The following CEACAM5 variants were observed in gnomAD, a reference collection of about 807,000 sequenced individuals.
The protein encoded by CEACAM5 is cell adhesion molecule CEACAM5.
Under a neutral mutation model 63.0 loss-of-function variants are expected in CEACAM5, and 52 were observed. The ratio of observed to expected loss-of-function variants is 0.83; its 90% CI spans 0.66 to 1.04. CEACAM5 has a LOEUF of 1.04. CEACAM5 is among the 50% of genes least tolerant of loss of function. The probability of loss-of-function intolerance (pLI) is 0.00; values close to 1 mark genes in which losing one functional copy is unlikely to be tolerated. For missense variants in CEACAM5, 790 were observed against 864.8 expected, an observed-to-expected ratio of 0.91 and a Z score of 1.08; for synonymous variants, 357 against 351.3, an observed-to-expected ratio of 1.02 and a Z score of -0.18.
intron 1 of CEACAM5, 86 bp from the exon 2 acceptor site, chr19:41,709,594 A>C: frequency 1.3e-6 from 2 of 1,535,466 alleles, no homozygotes; most frequent in Non-Finnish European, 1.7e-6. Context: ...TGGGGGATGA[A>C]GAGACCTGCT....
At position 41,719,806 on chromosome 19, in the gene CEACAM5, C is replaced by A. The variant is rs1157813950; in HGVS notation, c.1493-124C>A. ...GTACATCTGTCTTGTGATACACACA[C>A]CTGCCATGGGCTTTTAAGGACTCGG... On this transcript the variant is annotated intron_variant, in intron 6 of 9. Transcript: ENST00000221992. 7 of 1,525,386 alleles carry A rather than the reference C, an allele frequency of 4.6e-6. No homozygotes were observed. The African/African-American group carries it at 6.9e-5, about 15-fold the overall frequency. The allele number at this position is 1,525,386 out of a possible 1,614,324, so 94.5% of individuals were successfully genotyped here.
chr19:41,718,705 A>G (rs1264893473), intron 6 of CEACAM5, among the ~76,000 whole-genome samples: 1 of 152,198 alleles, frequency 6.6e-6, no homozygotes, highest in Non-Finnish European at 1.5e-5. Flanking sequence ...TCTGTCACCA[A>G]TATGTCCCTT....
At chr19:41,720,359 TG>T in intron 7 of CEACAM5, 151 bp downstream of exon 7, 1 of 1,039,456 alleles carries the variant, frequency 9.6e-7, no homozygotes, top group Non-Finnish European at 1.4e-6. Flanking sequence ...CAGGAAAATT[TG>T]GGCAACCTCA....
intron 4 of CEACAM5, 21 bp downstream of exon 4, chr19:41,715,925 C>T: frequency 1.2e-6 from 2 of 1,607,888 alleles, no homozygotes; most frequent in Non-Finnish European, 1.7e-6. Context: ...CCACGAAGCA[C>T]TGACATCATG....
chr19:41,710,088 C>T (rs781978461), intron 2 of CEACAM5, 49 bp downstream of exon 2: 6 of 1,574,284 alleles, frequency 3.8e-6, no homozygotes, highest in South Asian at 1.2e-5. Context: ...AGTTCTACTT[C>T]CCACACACAG....
intron 8 of CEACAM5, among the ~76,000 whole-genome samples, chr19:41,721,712 G>A (rs2072625074): frequency 6.6e-6 from 1 of 152,258 alleles, no homozygotes; most frequent in Admixed American, 6.5e-5. Context: ...GGTGGGACCG[G>A]GGCATGTGGA....
chr19:41,715,870 C>T lies in CEACAM5; in HGVS notation c.924C>T (p.Leu308=). 1 of 1,614,186 alleles carries T rather than the reference C, an allele frequency of 6.2e-7. No homozygotes were observed. The highest frequency in any genetic ancestry group is 1.1e-5 in the South Asian group (1 of 91,080). ...AAGCCCATAACTCAGACACTGGCCTCAATAGGACCACAGTCACGACGATCA... is the reference window on the plus strand; with the variant it reads ...AAGCCCATAACTCAGACACTGGCCTTAATAGGACCACAGTCACGACGATCA... The part of the protein sequence containing the change: ...TCQAHNSDTG[L]NRTTVTTITV... The change falls in exon 4 of 10, where the codon CTC becomes CTT. Residue 308 remains leucine, a synonymous_variant. Transcript: ENST00000221992.
rs938716278 is a variant in CEACAM5 at position 41,716,171 on chromosome 19, C to G, written c.958+267C>G. The stretch of plus-strand genomic sequence containing the variant: ...GCCCTGTGTAGTGGAGGAAGCTTCA[C>G]AGAGCGGGAAGGAGCAAGGGTTCTC... On this transcript the variant is annotated intron_variant, in intron 4 of 9. Transcript: ENST00000221992. Among the ~76,000 whole-genome samples, 4 of 152,250 alleles carry G rather than the reference C, an allele frequency of 2.6e-5. No homozygotes were observed. In the South Asian group the frequency reaches 8.3e-4, roughly 32 times the overall value.
chr19:41,720,788 C>T, intron 7 of CEACAM5, 134 bp from the exon 8 acceptor site: 5 of 1,195,698 alleles, frequency 4.2e-6, no homozygotes, highest in South Asian at 1.4e-5. Flanking sequence ...GCGTGAGCCA[C>T]CGCACCCGGC....
chr19:41,720,340 T>A, intron 7 of CEACAM5, 132 bp downstream of exon 7: 1 of 1,203,416 alleles, frequency 8.3e-7, no homozygotes, highest in Non-Finnish European at 1.2e-6. Context: ...TGGCCATAAC[T>A]TCCTGTCCCA....
chr19:41,720,986 C>CCT lies in CEACAM5; in HGVS notation c.1840_1841dup (p.Cys615ProfsTer55), dbSNP rs782093191. The CCT allele has an allele frequency of 1.9e-6, 3 of 1,614,090 alleles. No homozygotes were observed. Among genetic ancestry groups the CCT allele is most frequent in the Non-Finnish European group, 2.5e-6 (3 of 1,180,018 alleles). On this transcript the variant is annotated frameshift_variant, in exon 8 of 10. Coordinates refer to ENST00000221992, the MANE Select transcript of CEACAM5 (RefSeq NM_004363.6). LOFTEE classifies it high-confidence loss of function. ...CTTACCTTTCGGGAGCGAACCTCAA[C>CCT]CTCTCCTGCCACTCGGCCTCTAACC...
chr19:41,728,383 A>T (rs2122852340), intron 9 of CEACAM5, among the ~76,000 whole-genome samples: 1 of 152,288 alleles, frequency 6.6e-6, no homozygotes, highest in Middle Eastern at 3.4e-3. Flanking sequence ...GGCATTCGTA[A>T]TTTTTAAGCC....
chr19:41,726,112 A>T (rs1387231086), intron 8 of CEACAM5, among the ~76,000 whole-genome samples: 2 of 152,254 alleles, frequency 1.3e-5, no homozygotes, highest in African/African-American at 4.8e-5. Context: ...ATATTCGATT[A>T]AGCTTTCAGC....
chr19:41,710,110 C>G, intron 2 of CEACAM5, 71 bp downstream of exon 2: 1 of 1,558,958 alleles, frequency 6.4e-7, no homozygotes. Context: ...ATTATCAGGC[C>G]TGGGCTGTGC....
At chr19:41,720,827 G>T in intron 7 of CEACAM5, 95 bp from the exon 8 acceptor site, 1 of 1,492,604 alleles carries the variant, frequency 6.7e-7, no homozygotes, top group Non-Finnish European at 9.2e-7. Flanking sequence ...ACAGGATTGG[G>T]ACAGGATTCA....
At position 41,727,291 on chromosome 19, in the gene CEACAM5, T is replaced by A; in HGVS notation, c.2084T>A (p.Val695Glu). The A allele has an allele frequency of 6.2e-7, 1 of 1,613,764 alleles. No individual in the cohort carries two copies. The highest frequency in any genetic ancestry group is 1.1e-5 in the South Asian group (1 of 91,064). The change falls in exon 9 of 10, where the codon GTG (valine) becomes GAG (glutamate). Residue 695 changes from valine to glutamate, a missense_variant. Transcript: ENST00000221992. ...AGATVGIMIG[V>E]LVGVALI is the part of the protein sequence containing the mutation. Reference sequence around the variant, plus strand: ...GCCACTGTCGGCATCATGATTGGAGTGCTGGTTGGGGTTGCTCTGATATAG... The same window carrying A: ...GCCACTGTCGGCATCATGATTGGAGAGCTGGTTGGGGTTGCTCTGATATAG...
At position 41,708,955 on chromosome 19, in the gene CEACAM5, G is replaced by A. The variant is rs542655390; in HGVS notation, c.64+160G>A. 2.6e-5 allele frequency among the ~76,000 whole-genome samples: 4 copies of A among 152,262 alleles called. No individual in the cohort carries two copies. In the South Asian group the frequency reaches 8.3e-4, roughly 32 times the overall value. Reference sequence around the variant, plus strand: ...CACACCAGAAAAATCAAATTGAACTGGAATTGGAAAGGGGCAGGAAAACCT... The same window carrying A: ...CACACCAGAAAAATCAAATTGAACTAGAATTGGAAAGGGGCAGGAAAACCT... On this transcript the variant is annotated intron_variant, in intron 1 of 9. Coordinates refer to ENST00000221992, the MANE Select transcript of CEACAM5 (RefSeq NM_004363.6).
intron 2 of CEACAM5, among the ~76,000 whole-genome samples, chr19:41,712,130 C>T (rs1426655748): frequency 2.0e-5 from 3 of 152,214 alleles, no homozygotes; most frequent in African/African-American, 7.2e-5. Flanking sequence ...GACAGGTCTG[C>T]AGTCCCCAAA....
At position 41,708,652 on chromosome 19, in the gene CEACAM5, C is replaced by G; in HGVS notation, c.-80C>G. 1 of 1,251,682 alleles carries G rather than the reference C, an allele frequency of 8.0e-7. No individual in the cohort carries two copies. The highest frequency in any genetic ancestry group is 1.2e-6 in the Non-Finnish European group (1 of 868,536). 77.5% of individuals were successfully genotyped at this position (1,251,682 alleles called of 1,614,324 possible). On this transcript the variant is annotated 5_prime_UTR_variant, in exon 1 of 10. Transcript: ENST00000221992. ...GAGGGAGGAAGGACAGCAGACCAGA[C>G]AGTCACAGCAGCCTTGACAAAACGT...
Sources: gnomAD v4.1 joint callset for allele counts (sites outside exome capture counted in the v4.1 genomes callset) on GRCh38, gnomAD v4.1.1 for gene constraint, MANE v1.5 for transcripts, NCBI Gene and HGNC (gene_info 2026-07-23, HGNC 2026-07-21) for gene names.